LIMCH1: variants seen among roughly 807,000 people sequenced by gnomAD.
LIMCH1 encodes the protein LIM and calponin homology domains 1.
A neutral mutation model predicts 176.5 loss-of-function variants in LIMCH1; 113 were observed. The ratio of observed to expected loss-of-function variants is 0.64; its 90% confidence interval spans 0.55 to 0.75. The LOEUF is 0.75. Ranked by LOEUF, LIMCH1 falls within the 30% of genes least tolerant of loss-of-function variation. The probability of loss-of-function intolerance (pLI) is 0.00; values close to 1 mark genes in which losing one functional copy is unlikely to be tolerated. For synonymous variants in LIMCH1, 619 were observed against 645.9 expected (o/e 0.96, Z 0.63); for missense variants, 1,674 against 1,814.9 (o/e 0.92, Z 1.41).
At chr4:41,612,826 G>C in intron 4 of LIMCH1, 1 of 1,208,970 alleles carries the variant, frequency 8.3e-7, no homozygotes, top group Non-Finnish European at 1.1e-6. Flanking sequence ...CAGGAAAAGC[G>C]TTTTGCATAT....
chr4:41,672,889 C>T (rs1333123008), intron 22 of LIMCH1, among the ~76,000 whole-genome samples: 1 of 152,196 alleles, frequency 6.6e-6, no homozygotes, highest in Non-Finnish European at 1.5e-5. Flanking sequence ...TGACCCTCAT[C>T]TTCCTTGACC....
intron 1 of LIMCH1, among the ~76,000 whole-genome samples, chr4:41,369,939 A>AGTGTGTGT (rs113302113): frequency 0.01 from 1,400 of 138,326 alleles, 29 homozygotes; most frequent in African/African-American, 0.037. Flanking sequence ...CAGGAAGCAA[A>AGTGTGTGT]GTGTGTGTGT....
intron 1 of LIMCH1, among the ~76,000 whole-genome samples, chr4:41,396,647 T>A (rs2154114369): frequency 6.6e-6 from 1 of 152,302 alleles, no homozygotes; most frequent in East Asian, 1.9e-4. Context: ...ATGCCTGTAA[T>A]CCCAGCGCTT....
chr4:41,697,370 GTTTTT>G lies in LIMCH1; in HGVS notation c.*197_*201del. The G allele has an allele frequency of 8.9e-6, 4 of 451,736 alleles. No homozygotes were observed. The highest frequency in any genetic ancestry group is 3.4e-5 in the East Asian group (1 of 29,842). The allele number at this position is 451,736 out of a possible 1,614,324, so 28.0% of individuals were successfully genotyped here. The stretch of plus-strand genomic sequence containing the variant: ...TATGTTTTTCCTGTTTATTGTTTTG[GTTTTT>G]TTTTTTTTTTTGCATTTGCACAGTA... On this transcript the variant is annotated 3_prime_UTR_variant, in exon 32 of 32. Coordinates refer to ENST00000503057, the MANE Select transcript of LIMCH1 (RefSeq NM_001330672.2).
intron 15 of LIMCH1, 90 bp downstream of exon 15, chr4:41,644,716 G>C: frequency 6.1e-6 from 9 of 1,479,734 alleles, no homozygotes; most frequent in Non-Finnish European, 8.2e-6. Context: ...TGAAAGCCAT[G>C]CGGGGAAAGG....
At chr4:41,370,823 T>C (rs1231951648) in intron 1 of LIMCH1, among the ~76,000 whole-genome samples, 1 of 152,174 alleles carries the variant, frequency 6.6e-6, no homozygotes, top group Non-Finnish European at 1.5e-5. Flanking sequence ...ATATTGTGTA[T>C]AGAACAAACA....
At chr4:41,608,486 T>C (rs1255479116) in intron 4 of LIMCH1, among the ~76,000 whole-genome samples, 1 of 152,002 alleles carries the variant, frequency 6.6e-6, no homozygotes, top group East Asian at 2.0e-4. Flanking sequence ...TTGAAATTAG[T>C]TTTTTTTCTT....
chr4:41,490,975 C>T (rs1314653168), intron 1 of LIMCH1, among the ~76,000 whole-genome samples: 9 of 144,576 alleles, frequency 6.2e-5, no homozygotes, highest in Admixed American at 4.8e-4. Flanking sequence ...CCAGACGGGG[C>T]GGCCGGGCAG....
Position 41,646,629 on chromosome 4 carries a change from A to T in LIMCH1, c.2556A>T (p.Glu852Asp). The T allele has an allele frequency of 6.2e-7, 1 of 1,614,240 alleles. No homozygotes were observed. The part of the protein sequence containing the change: ...LERLEMPKIL[E>D]RSHSTEPNLS... ...GCTTGGAGATGCCAAAAATTCTGGA[A>T]AGAAGCCATTCAACAGAGCCAAATT... The change falls in exon 17 of 32, where the codon GAA (glutamate) becomes GAT (aspartate). Residue 852 changes from glutamate to aspartate, a missense_variant. By Grantham distance (45) the Glu-to-Asp change is conservative. Around this residue, in one of 3 missense-constraint regions of LIMCH1, gnomAD observed 1,015 missense variants for 1,102.5 expected, o/e 0.92. Coordinates refer to ENST00000503057, the MANE Select transcript of LIMCH1 (RefSeq NM_001330672.2).
At position 41,681,082 on chromosome 4, in the gene LIMCH1, A is replaced by G. The variant is rs199870258; in HGVS notation, c.3717+23A>G. On this transcript the variant is annotated intron_variant, in intron 25 of 31. Transcript: ENST00000503057. ...ATGGTGAGACCACAGATTAAAAGCA[A>G]TTTGTGAAATAAATAAACCTAAATG... The G allele has an allele frequency of 2.2e-5, 31 of 1,424,770 alleles. No homozygotes were observed. In the African/African-American group the frequency reaches 3.5e-4, roughly 16 times the overall value. The allele number at this position is 1,424,770 out of a possible 1,614,324, so 88.3% of individuals were successfully genotyped here. A position where few individuals can be genotyped will look rare whatever the true frequency, so the allele number is the denominator to read the frequency against.
chr4:41,509,850 C>T (rs753413668), intron 2 of LIMCH1, among the ~76,000 whole-genome samples: 1 of 152,172 alleles, frequency 6.6e-6, no homozygotes, highest in Admixed American at 6.5e-5. Context: ...GGACTCAGCA[C>T]AGTAGGGGTA....
chr4:41,420,923 G>A (rs987706150), intron 1 of LIMCH1, among the ~76,000 whole-genome samples: 1 of 152,160 alleles, frequency 6.6e-6, no homozygotes, highest in Non-Finnish European at 1.5e-5. Context: ...ATTGTTGTAG[G>A]CTCTGCTTCA....
intron 18 of LIMCH1, among the ~76,000 whole-genome samples, chr4:41,655,737 A>T (rs1251496646): frequency 6.6e-6 from 1 of 151,280 alleles, no homozygotes; most frequent in Non-Finnish European, 1.5e-5. Context: ...TCACCCAAGC[A>T]GGTCTCTAGC....
intron 1 of LIMCH1, among the ~76,000 whole-genome samples, chr4:41,366,359 G>T (rs2052984031): frequency 6.6e-6 from 1 of 152,144 alleles, no homozygotes; most frequent in Non-Finnish European, 1.5e-5. Flanking sequence ...TGACCAAACT[G>T]TTCTTACTGG....
chr4:41,694,789 A>T (rs911336276), intron 31 of LIMCH1, among the ~76,000 whole-genome samples: 2 of 152,164 alleles, frequency 1.3e-5, no homozygotes, highest in African/African-American at 4.8e-5. Flanking sequence ...CGTAAAAGGC[A>T]TGTGCTTTTT....
chr4:41,641,403 A>G (rs1465512228), intron 14 of LIMCH1, among the ~76,000 whole-genome samples: 2 of 152,030 alleles, frequency 1.3e-5, no homozygotes, highest in Non-Finnish European at 2.9e-5. Context: ...TGAAAATGGC[A>G]TAAATATATC....
chr4:41,564,275 A>G (rs1030457997), intron 1 of LIMCH1, among the ~76,000 whole-genome samples: 11 of 152,188 alleles, frequency 7.2e-5, no homozygotes, highest in South Asian at 4.1e-4. Context: ...AGCTAAATCC[A>G]GAGGCTTCTC....
At chr4:41,516,878 T>C (rs547991842) in intron 2 of LIMCH1, among the ~76,000 whole-genome samples, 1 of 152,310 alleles carries the variant, frequency 6.6e-6, no homozygotes, top group Non-Finnish European at 1.5e-5. Context: ...TGTGCCCAGG[T>C]GTTAAACTTC....
At chr4:41,416,301 A>G (rs1247144313) in intron 1 of LIMCH1, among the ~76,000 whole-genome samples, 1 of 152,182 alleles carries the variant, frequency 6.6e-6, no homozygotes, top group African/African-American at 2.4e-5. Context: ...CGATAATAAC[A>G]ATAATATTGA....
Sources: gnomAD v4.1 joint callset for allele counts (sites outside exome capture counted in the v4.1 genomes callset) on GRCh38, gnomAD v4.1.1 for gene constraint, gnomAD v4.1.1 regional missense constraint, MANE v1.5 for transcripts, NCBI Gene and HGNC (gene_info 2026-07-23, HGNC 2026-07-21) for gene names.